DROSHA: variants seen among roughly 807,000 people sequenced by gnomAD.
DROSHA encodes the protein ribonuclease 3.
Under a neutral mutation model 181.9 loss-of-function variants are expected in DROSHA, and 56 were observed. The ratio of observed to expected loss-of-function variants is 0.31; its 90% CI spans 0.25 to 0.38. DROSHA has a LOEUF of 0.38. DROSHA is among the 10% of genes least tolerant of loss of function. DROSHA has a pLI of 1.00. For missense variants in DROSHA, 1,218 were observed against 1,743.5 expected (o/e 0.70, Z 5.37); for synonymous variants, 524 against 591.2 (o/e 0.89, Z 1.65).
intron 23 of DROSHA, among the ~76,000 whole-genome samples, chr5:31,439,834 G>T (rs187272872): frequency 3.9e-5 from 6 of 152,206 alleles, no homozygotes; most frequent in Admixed American, 3.9e-4. Flanking sequence ...AAACCAAAGG[G>T]ATGCACTGAG....
intron 11 of DROSHA, among the ~76,000 whole-genome samples, chr5:31,500,829 C>T (rs1753501854): frequency 6.6e-6 from 1 of 152,158 alleles, no homozygotes; most frequent in Non-Finnish European, 1.5e-5. Flanking sequence ...GTCTGACCCA[C>T]AAAGAGTCAT....
chr5:31,453,485 T>C (rs1360771959), intron 20 of DROSHA, among the ~76,000 whole-genome samples: 1 of 152,194 alleles, frequency 6.6e-6, no homozygotes, highest in Non-Finnish European at 1.5e-5. Flanking sequence ...TACATAGGTG[T>C]GAGCCACTGC....
chr5:31,425,546 C>A (rs958552577), intron 27 of DROSHA, among the ~76,000 whole-genome samples: 7 of 152,118 alleles, frequency 4.6e-5, no homozygotes, highest in Admixed American at 1.3e-4. Flanking sequence ...CGGGCCCTTG[C>A]CTGACCTATT....
chr5:31,467,773 C>T, intron 18 of DROSHA, 166 bp downstream of exon 18: 1 of 872,934 alleles, frequency 1.1e-6, no homozygotes, highest in South Asian at 2.3e-5. Context: ...AATAATTCTT[C>T]AGGAGCTACC....
chr5:31,482,251 GC>G lies in DROSHA; in HGVS notation c.2071+1302del, dbSNP rs1751111736. Among the ~76,000 whole-genome samples, 3 of 152,116 alleles carry G rather than the reference GC, an allele frequency of 2.0e-5. No individual in the cohort carries two copies. In the South Asian group the frequency reaches 6.2e-4, roughly 32 times the overall value. On this transcript the variant is annotated intron_variant, in intron 16 of 35. Transcript: ENST00000344624. ...TTTTACTCTTCAGTATTACTGAGTGGCCCATATATAGAAGAAAAGGCAAGCA... is the reference window on the plus strand; with the variant it reads ...TTTTACTCTTCAGTATTACTGAGTGGCCATATATAGAAGAAAAGGCAAGCA...
chr5:31,504,627 A>G lies in DROSHA; in HGVS notation c.1596T>C (p.Asp532=), dbSNP rs375540463. The change falls in exon 11 of 36, where the codon GAT becomes GAC. Residue 532 remains aspartate (D), a synonymous_variant. Coordinates refer to ENST00000344624, the MANE Select transcript of DROSHA (RefSeq NM_001382508.1). Reference sequence around the variant, plus strand: ...TTGCGCTGCATTTGCAGAGTGGTCCATCATTCATCTGTCAGAAACACAATG... The same window carrying G: ...TTGCGCTGCATTTGCAGAGTGGTCCGTCATTCATCTGTCAGAAACACAATG... ...LWYNDPGQMN[D]GPLCKCSAKA... is the part of the protein sequence containing the mutation. The G allele has an allele frequency of 4.6e-5, 75 of 1,613,832 alleles. No homozygotes were observed. The highest frequency in any genetic ancestry group is 6.2e-5 in the Non-Finnish European group (73 of 1,179,882).
chr5:31,468,413 C>A (rs1341944312), intron 17 of DROSHA, among the ~76,000 whole-genome samples: 1 of 152,218 alleles, frequency 6.6e-6, no homozygotes, highest in East Asian at 1.9e-4. Flanking sequence ...ACAGGCAGAG[C>A]CTCTTCTGCT....
chr5:31,504,735 C>T, intron 10 of DROSHA, 100 bp from the exon 11 acceptor site: 1 of 1,203,914 alleles, frequency 8.3e-7, no homozygotes, highest in Non-Finnish European at 1.2e-6. Context: ...GTCATGAGCG[C>T]TGAAGCTCTG....
chr5:31,429,965 C>T (rs1743972658), intron 26 of DROSHA, among the ~76,000 whole-genome samples: 1 of 151,912 alleles, frequency 6.6e-6, no homozygotes, highest in Non-Finnish European at 1.5e-5. Flanking sequence ...AGACAAAACC[C>T]GAGTCTAGAT....
chr5:31,465,422 T>G (rs981075469), intron 19 of DROSHA, among the ~76,000 whole-genome samples: 1 of 152,188 alleles, frequency 6.6e-6, no homozygotes, highest in Non-Finnish European at 1.5e-5. Context: ...TTTCCAACTT[T>G]AAGACCAAGA....
At chr5:31,525,692 A>T (rs1471495459) in intron 5 of DROSHA, among the ~76,000 whole-genome samples, 1 of 152,170 alleles carries the variant, frequency 6.6e-6, no homozygotes, top group East Asian at 1.9e-4. Context: ...GCAGATCGCC[A>T]GTTCCAAAAA....
At chr5:31,497,192 A>G (rs1013276786) in intron 11 of DROSHA, among the ~76,000 whole-genome samples, 2 of 141,442 alleles carry the variant, frequency 1.4e-5, no homozygotes, top group East Asian at 4.1e-4. Flanking sequence ...GAAGCTGCGC[A>G]GTCCCATCAG....
At chr5:31,468,210 G>T in intron 17 of DROSHA, 147 bp from the exon 18 acceptor site, 1 of 826,310 alleles carries the variant, frequency 1.2e-6, no homozygotes, top group South Asian at 2.1e-5. Flanking sequence ...TTTAATTACA[G>T]CAGCTATACT....
At chr5:31,524,760 T>G (rs1740324229) in intron 5 of DROSHA, among the ~76,000 whole-genome samples, 1 of 152,204 alleles carries the variant, frequency 6.6e-6, no homozygotes, top group African/African-American at 2.4e-5. Context: ...GTTTTAGAAA[T>G]GCCTCCTTGA....
chr5:31,419,648 C>T (rs181294001), intron 30 of DROSHA, among the ~76,000 whole-genome samples: 10 of 152,158 alleles, frequency 6.6e-5, no homozygotes, highest in Admixed American at 2.0e-4. Flanking sequence ...AAGATCCTAG[C>T]GTTCACAATT....
At chr5:31,420,625 ATT>A (rs776384146) in intron 30 of DROSHA, among the ~76,000 whole-genome samples, 2 of 151,878 alleles carry the variant, frequency 1.3e-5, no homozygotes, top group South Asian at 4.2e-4. Context: ...CAGTCTTCTC[ATT>A]TTTTTTATGC....
chr5:31,506,324 C>T (rs1266358432), intron 10 of DROSHA, among the ~76,000 whole-genome samples: 5 of 148,624 alleles, frequency 3.4e-5, no homozygotes, highest in South Asian at 2.1e-4. Context: ...GATTGTACCA[C>T]GGCACTCCAG....
rs1273834020 is a variant in DROSHA, at chr5:31,401,401, A to G, written c.*31T>C. 6.2e-7 allele frequency: 1 copy of G among 1,605,218 alleles called. No homozygotes were observed. Among genetic ancestry groups the G allele is most frequent in the East Asian group, 2.3e-5 (1 of 44,264 alleles). On this transcript the variant is annotated 3_prime_UTR_variant, in exon 36 of 36. Transcript: ENST00000344624. ...TAGACAACAGTCACAGTTACTGAGCAAGTAAATACTCCACACTTGCATGCC... is the reference window on the plus strand; with the variant it reads ...TAGACAACAGTCACAGTTACTGAGCGAGTAAATACTCCACACTTGCATGCC...
chr5:31,507,071 T>C (rs1018485857), intron 10 of DROSHA, among the ~76,000 whole-genome samples: 1 of 151,964 alleles, frequency 6.6e-6, no homozygotes, highest in Non-Finnish European at 1.5e-5. Flanking sequence ...TCCCAACACT[T>C]TGGGAGGCTG....
Sources: gnomAD v4.1 joint callset for allele counts (sites outside exome capture counted in the v4.1 genomes callset) on GRCh38, gnomAD v4.1.1 for gene constraint, MANE v1.5 for transcripts, NCBI Gene and HGNC (gene_info 2026-07-23, HGNC 2026-07-21) for gene names.